CHST11: variants seen among roughly 807,000 people sequenced by gnomAD.
CHST11 encodes the protein C4S-1.
In CHST11, 9 loss-of-function variants were observed where a neutral mutation model predicts 30.4. The observed-to-expected ratio is 0.30, with a 90% CI of 0.18 to 0.52. The LOEUF is 0.52. Among genes scored for constraint, CHST11 ranks in the 20% least tolerant of loss-of-function variants. The pLI is 0.97. For synonymous variants in CHST11, 152 were observed against 187.8 expected (o/e 0.81, Z 1.56); for missense variants, 348 against 460.6 (o/e 0.76, Z 2.24).
At chr12:104,576,921 T>C (rs539308423) in intron 1 of CHST11, among the ~76,000 whole-genome samples, 1 of 152,134 alleles carries the variant, frequency 6.6e-6, no homozygotes, top group Non-Finnish European at 1.5e-5. Context: ...GATGAGGCCA[T>C]GTCGGGTGGG....
chr12:104,677,290 A>C (rs894315139), intron 2 of CHST11, among the ~76,000 whole-genome samples: 3 of 152,228 alleles, frequency 2.0e-5, no homozygotes, highest in Non-Finnish European at 2.9e-5. Context: ...AGGGGTCCCC[A>C]TGGCCTCCAA....
intron 2 of CHST11, among the ~76,000 whole-genome samples, chr12:104,688,032 A>G (rs1435252714): frequency 6.6e-6 from 1 of 152,160 alleles, no homozygotes; most frequent in Admixed American, 6.5e-5. Flanking sequence ...ACTTCCCTGC[A>G]TGGCATCAGA....
At chr12:104,531,915 T>G (rs2038189020) in intron 1 of CHST11, among the ~76,000 whole-genome samples, 1 of 152,214 alleles carries the variant, frequency 6.6e-6, no homozygotes, top group Admixed American at 6.5e-5. Flanking sequence ...GGCATCATGG[T>G]AGGCATTGTT....
chr12:104,661,148 C>T (rs914875030), intron 2 of CHST11, among the ~76,000 whole-genome samples: 6 of 152,262 alleles, frequency 3.9e-5, no homozygotes, highest in East Asian at 1.9e-4. Flanking sequence ...ACAACTTCTC[C>T]GAGACTCAGT....
intron 2 of CHST11, among the ~76,000 whole-genome samples, chr12:104,609,406 A>G (rs2039037207): frequency 6.6e-6 from 1 of 152,236 alleles, no homozygotes; most frequent in South Asian, 2.1e-4. Flanking sequence ...ACAATAGACT[A>G]GCGAGGCCCA....
chr12:104,748,811 C>T (rs2040408490), intron 2 of CHST11, among the ~76,000 whole-genome samples: 1 of 152,168 alleles, frequency 6.6e-6, no homozygotes, highest in Non-Finnish European at 1.5e-5. Context: ...AATGCAGGTT[C>T]TCAGGCCTGT....
intron 2 of CHST11, among the ~76,000 whole-genome samples, chr12:104,678,229 AAC>A (rs2039761154): frequency 6.6e-6 from 1 of 152,242 alleles, no homozygotes; most frequent in African/African-American, 2.4e-5. Flanking sequence ...ATGTTCTAAT[AAC>A]ATATTGTAAA....
chr12:104,701,627 C>G (rs2039991162), intron 2 of CHST11, among the ~76,000 whole-genome samples: 2 of 152,174 alleles, frequency 1.3e-5, no homozygotes, highest in South Asian at 4.1e-4. Context: ...TAGCAGGATC[C>G]CTCCAGGTGA....
chr12:104,562,876 C>T (rs2038526893), intron 1 of CHST11, among the ~76,000 whole-genome samples: 1 of 152,176 alleles, frequency 6.6e-6, no homozygotes, highest in South Asian at 2.1e-4. Context: ...TGCCTCTTGG[C>T]ACCTTCTCAA....
chr12:104,517,704 T>G (rs1350735838), intron 1 of CHST11, among the ~76,000 whole-genome samples: 1 of 152,048 alleles, frequency 6.6e-6, no homozygotes, highest in Non-Finnish European at 1.5e-5. Flanking sequence ...GAAGAGAAAT[T>G]TTGCCTCAAA....
intron 1 of CHST11, among the ~76,000 whole-genome samples, chr12:104,520,797 A>T (rs1212124802): frequency 2.6e-5 from 4 of 152,146 alleles, no homozygotes; most frequent in African/African-American, 4.8e-5. Flanking sequence ...CTTTGCTTGT[A>T]TCTGCTCAGG....
At chr12:104,621,334 G>A (rs2039156715) in intron 2 of CHST11, among the ~76,000 whole-genome samples, 1 of 152,220 alleles carries the variant, frequency 6.6e-6, no homozygotes, top group African/African-American at 2.4e-5. Context: ...TCTTTCTCTG[G>A]TGCTGTCCTA....
chr12:104,703,739 G>A (rs888239498), intron 2 of CHST11, among the ~76,000 whole-genome samples: 10 of 152,176 alleles, frequency 6.6e-5, no homozygotes, highest in African/African-American at 1.9e-4. Flanking sequence ...GTGGTTCCTC[G>A]CATGTACCAG....
intron 2 of CHST11, among the ~76,000 whole-genome samples, chr12:104,671,924 TG>T (rs1327521224): frequency 2.0e-5 from 3 of 152,070 alleles, no homozygotes; most frequent in Non-Finnish European, 4.4e-5. Context: ...TCTCCATAAC[TG>T]GGGTGTGGTT....
chr12:104,605,593 T>TA (rs891339180), intron 2 of CHST11, among the ~76,000 whole-genome samples: 17 of 151,742 alleles, frequency 1.1e-4, no homozygotes, highest in Admixed American at 3.3e-4. Context: ...AAATAAAAAA[T>TA]AAAAAAAAAA....
At chr12:104,551,446 G>A (rs974966284) in intron 1 of CHST11, among the ~76,000 whole-genome samples, 4 of 152,008 alleles carry the variant, frequency 2.6e-5, no homozygotes, top group African/African-American at 9.7e-5. Context: ...TAGATGGTTA[G>A]AAAGGTCAGC....
chr12:104,629,356 G>T (rs1426156632), intron 2 of CHST11, among the ~76,000 whole-genome samples: 1 of 152,146 alleles, frequency 6.6e-6, no homozygotes, highest in African/African-American at 2.4e-5. Flanking sequence ...CATGGTTGTT[G>T]GCAGAAATTG....
intron 1 of CHST11, among the ~76,000 whole-genome samples, chr12:104,544,549 A>G (rs2038324046): frequency 6.6e-6 from 1 of 152,010 alleles, no homozygotes. Context: ...TCTACTAAAA[A>G]TACAAAAATT....
In CHST11 at chr12:104,670,659, A is replaced by ACC. The variant is rs1377029227; in HGVS notation, c.204+68669_204+68670insCC. ...CATGCACACTCTCCCACACATACCC[A>ACC]CACACACACAAATATACTCTCACAC... is the stretch of plus-strand genomic sequence containing the variant. On this transcript the variant is annotated intron_variant, in intron 2 of 2. Coordinates refer to ENST00000303694, the MANE Select transcript of CHST11 (RefSeq NM_018413.6). 3.2e-3 allele frequency among the ~76,000 whole-genome samples: 476 copies of ACC among 148,406 alleles called. 2 individuals are homozygous for ACC. Among genetic ancestry groups the ACC allele is most frequent in the African/African-American group, 0.012 (459 of 39,516 alleles).
Sources: allele counts gnomAD v4.1 joint callset (sites outside exome capture counted in the v4.1 genomes callset), GRCh38; gene constraint gnomAD v4.1.1; transcripts MANE v1.5; gene names NCBI Gene and HGNC (gene_info 2026-07-23, HGNC 2026-07-21).